The following ASB15 variants were observed in gnomAD, a reference collection of about 807,000 sequenced individuals.
The protein encoded by ASB15 is ankyrin repeat and SOCS box containing 15.
ASB15 carries 54 observed loss-of-function variants against 58.0 expected under a neutral mutation model. The observed-to-expected ratio is 0.93, with a 90% CI of 0.75 to 1.17. The LOEUF is 1.17. ASB15 is among the 50% of genes most tolerant of loss of function. The pLI is 0.00. For missense variants in ASB15, 680 were observed against 707.4 expected, an observed-to-expected ratio of 0.96 and a Z score of 0.44; for synonymous variants, 249 against 262.4, an observed-to-expected ratio of 0.95 and a Z score of 0.50.
In ASB15 at chr7:123,568,977, G is replaced by A. The variant is rs112437649; in HGVS notation, c.-443+1889G>A. ...ATAAAATGGGGGACAGAAGACAACAGCTAAAATAGAGAAAGGACTTCAGAA... is the reference window on the plus strand; with the variant it reads ...ATAAAATGGGGGACAGAAGACAACAACTAAAATAGAGAAAGGACTTCAGAA... On this transcript the variant is annotated intron_variant, in intron 1 of 13. Coordinates refer to the ASB15 transcript ENST00000451558. 4.6e-3 allele frequency among the ~76,000 whole-genome samples: 701 copies of A among 152,272 alleles called. 11 individuals are homozygous for A. Among genetic ancestry groups the A allele is most frequent in the African/African-American group, 0.016 (674 of 41,566 alleles).
chr7:123,594,880 C>T (rs748569659), intron 1 of ASB15, among the ~76,000 whole-genome samples: 2 of 152,182 alleles, frequency 1.3e-5, no homozygotes, highest in Non-Finnish European at 2.9e-5. Flanking sequence ...TCAGATAGGC[C>T]CTGCCCCCAG....
Position 123,624,800 on chromosome 7 carries a change from A to G in ASB15, c.683A>G (p.His228Arg). The G allele has an allele frequency of 6.2e-7, 1 of 1,613,926 alleles. No individual in the cohort carries two copies. Among genetic ancestry groups the G allele is most frequent in the Non-Finnish European group, 8.5e-7 (1 of 1,179,902 alleles). ...AEYGHCDVLE[H>R]LIHKGGDVLA... is the part of the protein sequence containing the mutation. ...TATGGTCACTGTGACGTGTTAGAAC[A>G]TCTAATCCACAAAGGTATGTGAAAA... Residue 228 changes from histidine to arginine, a missense_variant, in exon 8 of 12, where the codon CAT (histidine) becomes CGT (arginine). His to Arg is a conservative substitution (Grantham distance 29, BLOSUM62 0). Transcript: ENST00000451215.
intron 7 of ASB15, among the ~76,000 whole-genome samples, chr7:123,622,278 T>A (rs1318629039): frequency 1.3e-5 from 2 of 151,988 alleles, no homozygotes; most frequent in South Asian, 2.1e-4. Flanking sequence ...GAGAAAAAAA[T>A]TTATATATAA....
intron 6 of ASB15, 119 bp downstream of exon 6, chr7:123,616,614 G>A (rs1800835972): frequency 2.4e-6 from 3 of 1,236,716 alleles, no homozygotes; most frequent in Admixed American, 6.2e-5. Flanking sequence ...AATATTATTT[G>A]GAATTTGAAA....
chr7:123,611,897 G>A (rs151328280), intron 3 of ASB15, among the ~76,000 whole-genome samples: 2 of 151,578 alleles, frequency 1.3e-5, no homozygotes, highest in Non-Finnish European at 2.9e-5. Context: ...AAAGTGTTCC[G>A]ATCATTTTCA....
chr7:123,635,583 C>CTTTTTTTTTTTTTTTTTTTTTTTTATTTT (rs5887149), intron 11 of ASB15, among the ~76,000 whole-genome samples: 1 of 81,696 alleles, frequency 1.2e-5, no homozygotes, highest in Non-Finnish European at 2.1e-5. Flanking sequence ...AAATTAATTG[C>CTTTTTTTTTTTTTTTTTTTTTTTTATTTT]TTTTTTTTTT....
At chr7:123,601,044 C>T (rs1369472313), upstream of ASB15, among the ~76,000 whole-genome samples, 2 of 152,028 alleles carry the variant, frequency 1.3e-5, no homozygotes, top group East Asian at 1.9e-4. Context: ...ACCTGCAAAA[C>T]GAGTTGTTTT....
intron 6 of ASB15, 74 bp from the exon 7 acceptor site, chr7:123,617,505 G>T (rs1240889998): frequency 1.5e-6 from 2 of 1,323,166 alleles, no homozygotes; most frequent in Non-Finnish European, 2.1e-6. Flanking sequence ...ATATAATATT[G>T]GATTGCTCTG....
At chr7:123,603,890 G>A (rs1373526407) in intron 1 of ASB15, 142 bp from the exon 2 acceptor site, 2 of 152,180 alleles carry the variant, frequency 1.3e-5, no homozygotes, top group Non-Finnish European at 2.9e-5. Context: ...TCTGAACTTG[G>A]ACTAAATTAA....
At chr7:123,597,629 C>A (rs1457077523), upstream of ASB15, among the ~76,000 whole-genome samples, 1 of 151,814 alleles carries the variant, frequency 6.6e-6, no homozygotes, top group East Asian at 1.9e-4. Flanking sequence ...GTCAGGAGTT[C>A]GAGACCAGCT....
At chr7:123,590,535 A>G (rs563494327) in intron 1 of ASB15, among the ~76,000 whole-genome samples, 3 of 152,264 alleles carry the variant, frequency 2.0e-5, no homozygotes, top group Admixed American at 6.5e-5. Flanking sequence ...AGCTTTCTAC[A>G]TATGGCTAGC....
intron 11 of ASB15, among the ~76,000 whole-genome samples, chr7:123,630,329 T>A (rs202129925): frequency 0.12 from 18,703 of 152,168 alleles, 1,310 homozygotes; most frequent in Admixed American, 0.19. Flanking sequence ...GTATAATGAG[T>A]AATACTACAG....
At chr7:123,572,728 C>T (rs1798947549) in intron 1 of ASB15, among the ~76,000 whole-genome samples, 2 of 150,064 alleles carry the variant, frequency 1.3e-5, no homozygotes, top group African/African-American at 4.9e-5. Flanking sequence ...TTTTCTGCAA[C>T]ATGTTATTTT....
intron 1 of ASB15, among the ~76,000 whole-genome samples, chr7:123,587,527 C>T (rs1799409016): frequency 6.6e-6 from 1 of 151,252 alleles, no homozygotes; most frequent in Admixed American, 6.6e-5. Flanking sequence ...TATTTGGATG[C>T]CTTTTATTTC....
intron 11 of ASB15, among the ~76,000 whole-genome samples, chr7:123,631,848 G>A (rs1802133268): frequency 6.6e-6 from 1 of 152,144 alleles, no homozygotes; most frequent in African/African-American, 2.4e-5. Flanking sequence ...GGAGGCCGAG[G>A]CGAACGGATC....
intron 9 of ASB15, among the ~76,000 whole-genome samples, chr7:123,628,451 AC>A (rs1801933741): frequency 6.6e-6 from 1 of 152,082 alleles, no homozygotes; most frequent in Non-Finnish European, 1.5e-5. Context: ...ACTTCCTATC[AC>A]CCCATGATCC....
At position 123,590,094 on chromosome 7, in the gene ASB15, G is replaced by GT. The variant is rs544582938; in HGVS notation, c.-442-13932dup. On this transcript the variant is annotated intron_variant, in intron 1 of 13. Transcript: ENST00000451558. The stretch of plus-strand genomic sequence containing the variant: ...AGTGATGGTGAGCATTTCTTCATGT[G>GT]TTTTTTGGCTGCATAAATGTCTTCT... Among the ~76,000 whole-genome samples the GT allele has an allele frequency of 7.7e-3, 1,172 of 152,208 alleles. 18 individuals are homozygous for GT. Among genetic ancestry groups the GT allele is most frequent in the African/African-American group, 0.027 (1,126 of 41,550 alleles).
intron 8 of ASB15, among the ~76,000 whole-genome samples, chr7:123,625,294 C>G (rs760886443): frequency 2.0e-5 from 3 of 152,194 alleles, no homozygotes; most frequent in Admixed American, 6.5e-5. Context: ...TCAGGTCCCT[C>G]AATTCTCCCT....
At position 123,624,807 on chromosome 7, in the gene ASB15, C is replaced by T. The variant is rs576055642; in HGVS notation, c.690C>T (p.Ile230=). 5.3e-5 allele frequency: 86 copies of T among 1,613,490 alleles called. No homozygotes were observed. The highest frequency in any genetic ancestry group is 7.0e-5 in the Non-Finnish European group (82 of 1,179,734). Residue 230 remains isoleucine, a synonymous_variant, in exon 8 of 12, where the codon ATC becomes ATT. Coordinates refer to ENST00000451215, the MANE Select transcript of ASB15 (RefSeq NM_001290258.2). The stretch of plus-strand genomic sequence containing the variant: ...ACTGTGACGTGTTAGAACATCTAAT[C>T]CACAAAGGTATGTGAAAAGGAGTTA... The part of the protein sequence containing the change: ...YGHCDVLEHL[I]HKGGDVLALA...
Sources: gnomAD v4.1 joint callset for allele counts (sites outside exome capture counted in the v4.1 genomes callset) on GRCh38, gnomAD v4.1.1 for gene constraint, MANE v1.5 for transcripts, NCBI Gene and HGNC (gene_info 2026-07-23, HGNC 2026-07-21) for gene names.